The following TBC1D8 variants were observed in gnomAD, a reference collection of about 807,000 sequenced individuals.
TBC1D8 encodes BUB2-like protein 1.
In TBC1D8, 65 loss-of-function variants were observed where a neutral mutation model predicts 118.8. That is an observed-to-expected ratio of 0.55 (90% CI 0.45 to 0.67). The LOEUF (loss-of-function observed/expected upper bound fraction) is 0.67. TBC1D8 is among the 30% of genes least tolerant of loss of function. The pLI is 0.00. For missense variants in TBC1D8, 1,376 were observed against 1,471.2 expected (o/e 0.94, Z 1.06); for synonymous variants, 566 against 595.8 (o/e 0.95, Z 0.73).
Position 101,054,679 on chromosome 2 carries a change from T to C in TBC1D8, c.403-343A>G, listed in dbSNP as rs868024365. ...ATCATTTTCTTTTCTTTTCTTTTTT[T>C]TTTTTTTTTTTTTTTTTTTGGAGAC... On this transcript the variant is annotated intron_variant, in intron 3 of 19. Coordinates refer to ENST00000409318, the MANE Select transcript of TBC1D8 (RefSeq NM_001330348.2). Among the ~76,000 whole-genome samples the C allele has an allele frequency of 3.2e-4, 38 of 118,434 alleles. 1 individual carries two copies. Among genetic ancestry groups the C allele is most frequent in the Middle Eastern group, 3.8e-3 (1 of 262 alleles). 77.7% of individuals were successfully genotyped at this position (118,434 alleles called of 152,430 possible). A position where few individuals can be genotyped will look rare whatever the true frequency, so the allele number is the denominator to read the frequency against.
chr2:101,038,788 A>T, intron 6 of TBC1D8, 133 bp from the exon 7 acceptor site: 1 of 1,008,866 alleles, frequency 9.9e-7, no homozygotes, highest in Non-Finnish European at 1.5e-6. Context: ...ATGGCGAGAA[A>T]GTGGCACTGC....
At chr2:101,063,272 T>C (rs1024382163) in intron 2 of TBC1D8, among the ~76,000 whole-genome samples, 1 of 152,208 alleles carries the variant, frequency 6.6e-6, no homozygotes, top group Non-Finnish European at 1.5e-5. Flanking sequence ...ATCAAAAAAC[T>C]AGACTTTTAT....
intron 1 of TBC1D8, among the ~76,000 whole-genome samples, chr2:101,148,119 C>T (rs977578996): frequency 6.6e-6 from 1 of 152,126 alleles, no homozygotes; most frequent in Non-Finnish European, 1.5e-5. Flanking sequence ...ATGATCCATC[C>T]CCCTCAAAAG....
Position 101,099,552 on chromosome 2 carries a change from A to C in TBC1D8, c.128-9188T>G, listed in dbSNP as rs182023669. On this transcript the variant is annotated intron_variant, in intron 1 of 19. Coordinates refer to ENST00000409318, the MANE Select transcript of TBC1D8 (RefSeq NM_001330348.2). ...TGATACCAAAACCAGGAAGAGACACAACAAAAGAAAGAAAACTTCAGACCA... is the reference window on the plus strand; with the variant it reads ...TGATACCAAAACCAGGAAGAGACACCACAAAAGAAAGAAAACTTCAGACCA... Among the ~76,000 whole-genome samples, 9 of 152,358 alleles carry C rather than the reference A, an allele frequency of 5.9e-5. No individual in the cohort carries two copies. The South Asian group carries it at 1.9e-3, about 32-fold the overall frequency.
At chr2:101,058,286 T>C (rs1573954550) in intron 3 of TBC1D8, among the ~76,000 whole-genome samples, 1 of 152,116 alleles carries the variant, frequency 6.6e-6, no homozygotes, top group East Asian at 1.9e-4. Flanking sequence ...TAACCCCCAG[T>C]CCCCAAAGGA....
chr2:101,025,018 GAAAC>G lies in TBC1D8; in HGVS notation c.2520+2361_2520+2364del, dbSNP rs147661300. ...CAAAGTTCATCATACATGGTCAACTGAAACAAACAAACCTGCAGGTATTATATAT... is the reference window on the plus strand; with the variant it reads ...CAAAGTTCATCATACATGGTCAACTGAAACAAACCTGCAGGTATTATATAT... On this transcript the variant is annotated intron_variant, in intron 15 of 19. Transcript: ENST00000409318. 7.3e-4 allele frequency among the ~76,000 whole-genome samples: 111 copies of G among 152,242 alleles called. 1 individual carries two copies. The East Asian group carries it at 0.02, about 27-fold the overall frequency.
intron 1 of TBC1D8, among the ~76,000 whole-genome samples, chr2:101,121,228 T>C (rs1008010077): frequency 3.9e-5 from 6 of 152,252 alleles, no homozygotes; most frequent in East Asian, 1.9e-4. Flanking sequence ...TTCTATTCCA[T>C]CCTTTATAAG....
At chr2:101,136,923 G>T (rs1030244918) in intron 1 of TBC1D8, among the ~76,000 whole-genome samples, 1 of 152,072 alleles carries the variant, frequency 6.6e-6, no homozygotes, top group African/African-American at 2.4e-5. Flanking sequence ...TCCATCTGAG[G>T]CTGCGCAATG....
In TBC1D8 at chr2:101,151,197, G is replaced by A; in HGVS notation, c.57C>T (p.Thr19=). The change falls in exon 1 of 20, where the codon ACC becomes ACT. Residue 19 remains threonine, a synonymous_variant. Coordinates refer to ENST00000409318, the MANE Select transcript of TBC1D8 (RefSeq NM_001330348.2). ...LLKNALKLWV[T]QKSSCYFILQ... ...GGATGAAGTAGCAGCTGCTCTTCTGGGTCACCCAGAGCTTCAGCGCGTTCT... is the reference window on the plus strand; with the variant it reads ...GGATGAAGTAGCAGCTGCTCTTCTGAGTCACCCAGAGCTTCAGCGCGTTCT... The A allele has an allele frequency of 7.9e-7, 1 of 1,263,236 alleles. No homozygotes were observed. 78.3% of individuals were successfully genotyped at this position (1,263,236 alleles called of 1,614,324 possible). A position where few individuals can be genotyped will look rare whatever the true frequency, so the allele number is the denominator to read the frequency against.
chr2:101,116,436 G>A (rs796055), intron 1 of TBC1D8, among the ~76,000 whole-genome samples: 120,633 of 151,980 alleles, frequency 0.79, 48,409 homozygotes, highest in East Asian at 0.92. Context: ...CATCCCCACC[G>A]CACTGGTCTG....
intron 1 of TBC1D8, among the ~76,000 whole-genome samples, chr2:101,143,063 C>CT (rs11454446): frequency 0.66 from 91,712 of 139,970 alleles, 30,266 homozygotes; most frequent in East Asian, 0.77. Flanking sequence ...CTTTCCTTTC[C>CT]TTTTTTTTTT....
chr2:101,138,084 GA>G (rs1678935660), intron 1 of TBC1D8, among the ~76,000 whole-genome samples: 1 of 152,160 alleles, frequency 6.6e-6, no homozygotes, highest in Admixed American at 6.5e-5. Flanking sequence ...GGAAGAGGGA[GA>G]GGGGGAAGGT....
chr2:101,009,821 C>CT (rs1553470780), intron 19 of TBC1D8, among the ~76,000 whole-genome samples: 80 of 134,254 alleles, frequency 6.0e-4, no homozygotes, highest in African/African-American at 2.0e-3. Context: ...AAAAAAGGAG[C>CT]TTTTTCTTTT....
At chr2:101,024,780 CCCAACAGTT>C (rs1176833502) in intron 15 of TBC1D8, among the ~76,000 whole-genome samples, 2 of 152,084 alleles carry the variant, frequency 1.3e-5, no homozygotes, top group African/African-American at 4.8e-5. Flanking sequence ...TCACCCATGA[CCCAACAGTT>C]CCACCTCAAG....
chr2:101,037,760 T>C lies in TBC1D8; in HGVS notation c.1276-52A>G, dbSNP rs533952362. On this transcript the variant is annotated intron_variant, in intron 7 of 19. Transcript: ENST00000409318. ...AGAGAGAGAGGAGAGGAGAAAATCATGGCTTTAGTCGAGGGGACAGTCTTT... is the reference window on the plus strand; with the variant it reads ...AGAGAGAGAGGAGAGGAGAAAATCACGGCTTTAGTCGAGGGGACAGTCTTT... 50 of 1,602,402 alleles carry C rather than the reference T, an allele frequency of 3.1e-5. No homozygotes were observed. The African/African-American group carries it at 3.6e-4, about 12-fold the overall frequency.
chr2:101,059,283 A>C, intron 3 of TBC1D8, 138 bp downstream of exon 3: 1 of 591,378 alleles, frequency 1.7e-6, no homozygotes, highest in Admixed American at 3.1e-5. Context: ...ACAGGTGATA[A>C]ATGAAACTTA....
rs70943064 is a variant in TBC1D8 at position 101,122,383 on chromosome 2, CAAAAAAAAAAAAAAAAAA to C, written c.127+28726_127+28743del. ...ACCGCGCCCGGCCAAGACTCCATTT[CAAAAAAAAAAAAAAAAAA>C]AAAAAAAAAAGCATGGATAATGCCA... On this transcript the variant is annotated intron_variant, in intron 1 of 19. Transcript: ENST00000409318. Among the ~76,000 whole-genome samples the C allele has an allele frequency of 4.2e-5, 3 of 71,944 alleles. 1 individual carries two copies. Among genetic ancestry groups the C allele is most frequent in the South Asian group, 1.6e-3 (2 of 1,260 alleles). The allele number at this position is 71,944 out of a possible 152,430, so 47.2% of individuals were successfully genotyped here.
At chr2:101,111,326 A>G (rs1677570937) in intron 1 of TBC1D8, among the ~76,000 whole-genome samples, 1 of 152,222 alleles carries the variant, frequency 6.6e-6, no homozygotes, top group Non-Finnish European at 1.5e-5. Context: ...CAGGGCGACC[A>G]TATCACGCAG....
chr2:101,128,385 T>C (rs1678441867), intron 1 of TBC1D8, among the ~76,000 whole-genome samples: 1 of 152,212 alleles, frequency 6.6e-6, no homozygotes, highest in African/African-American at 2.4e-5. Context: ...GGAAGAGTAA[T>C]GAGGGTCTCA....
Sources: gnomAD v4.1 joint callset for allele counts (sites outside exome capture counted in the v4.1 genomes callset) on GRCh38, gnomAD v4.1.1 for gene constraint, MANE v1.5 for transcripts, NCBI Gene and HGNC (gene_info 2026-07-23, HGNC 2026-07-21) for gene names.